The following NAALADL1 variants were observed in gnomAD, a reference collection of about 807,000 sequenced individuals.
NAALADL1 encodes aminopeptidase NAALADL1.
A neutral mutation model predicts 82.8 loss-of-function variants in NAALADL1; 77 were observed. That is an observed-to-expected ratio of 0.93 (90% CI 0.77 to 1.12). NAALADL1 has a LOEUF of 1.12. Among genes scored for constraint, NAALADL1 ranks in the 50% most tolerant of loss-of-function variants. NAALADL1 has a pLI of 0.00. For missense variants in NAALADL1, 956 were observed against 964.0 expected (o/e 0.99, Z 0.11); for synonymous variants, 358 against 399.2 (o/e 0.90, Z 1.23).
Position 65,045,810 on chromosome 11 carries a change from G to C in NAALADL1, c.2036+12C>G, listed in dbSNP as rs766175487. On this transcript the variant is annotated intron_variant, in intron 17 of 17. Transcript: ENST00000358658. ...CCTGGAGGCACCTCCCAGGACTCTG[G>C]GACAGACTCACCTGTAGTAGCGTTC... The C allele has an allele frequency of 1.9e-6, 3 of 1,613,260 alleles. No homozygotes were observed. The highest frequency in any genetic ancestry group is 1.7e-6 in the Non-Finnish European group (2 of 1,179,492).
rs538107403 is a variant in NAALADL1 at position 65,053,820 on chromosome 11, T to G, written c.993-244A>C. Reference sequence around the variant, plus strand: ...TGACGGTGACAGATGTGGACCTGGTTCTCGTGGGGCCTCCCTCTCCTGAGT... The same window carrying G: ...TGACGGTGACAGATGTGGACCTGGTGCTCGTGGGGCCTCCCTCTCCTGAGT... On this transcript the variant is annotated intron_variant, in intron 6 of 17. Transcript: ENST00000358658. This position sits in a 1 kb window ranked among gnomAD's most constrained non-coding sequence, Gnocchi z 4.3. Among the ~76,000 whole-genome samples the G allele has an allele frequency of 3.6e-4, 55 of 152,166 alleles. No individual in the cohort carries two copies. Among genetic ancestry groups the G allele is most frequent in the African/African-American group, 1.3e-3 (53 of 41,496 alleles).
rs946098542 is a variant in NAALADL1, at chr11:65,057,243, G to A, written c.603+128C>T. On this transcript the variant is annotated intron_variant, in intron 4 of 17. Coordinates refer to ENST00000358658, the MANE Select transcript of NAALADL1 (RefSeq NM_005468.3). ...AACCCGAAAACACCTTGCCTTTCCTGCCCCACCCTGGGGCTTGGTTCCCCA... is the reference window on the plus strand; with the variant it reads ...AACCCGAAAACACCTTGCCTTTCCTACCCCACCCTGGGGCTTGGTTCCCCA... 2.9e-6 allele frequency: 4 copies of A among 1,397,876 alleles called. No individual in the cohort carries two copies. The African/African-American group carries it at 5.8e-5, about 20-fold the overall frequency. 86.6% of individuals were successfully genotyped at this position (1,397,876 alleles called of 1,614,324 possible). A position where few individuals can be genotyped will look rare whatever the true frequency, so the allele number is the denominator to read the frequency against.
Position 65,053,097 on chromosome 11 carries a change from T to C in NAALADL1, c.1198+121A>G, listed in dbSNP as rs1946932028. Reference sequence around the variant, plus strand: ...CAGGCCAAGGCTGGTGTCATGCATGTCTGCCCCCAGGGCCCTCAGGCATGG... The same window carrying C: ...CAGGCCAAGGCTGGTGTCATGCATGCCTGCCCCCAGGGCCCTCAGGCATGG... On this transcript the variant is annotated intron_variant, in intron 8 of 17. Transcript: ENST00000358658. This position sits in a 1 kb window ranked among gnomAD's most constrained non-coding sequence, Gnocchi z 4.3. The C allele has an allele frequency of 3.1e-6, 4 of 1,274,880 alleles. No homozygotes were observed. In the Admixed American group the frequency reaches 1.1e-4, roughly 36 times the overall value. The allele number at this position is 1,274,880 out of a possible 1,614,324, so 79.0% of individuals were successfully genotyped here.
At chr11:65,058,807 C>G (rs1420633869), upstream of NAALADL1, among the ~76,000 whole-genome samples, 2 of 152,192 alleles carry the variant, frequency 1.3e-5, no homozygotes, top group Non-Finnish European at 2.9e-5. Flanking sequence ...AAACAGAGGC[C>G]AAGCCAGGGC....
Position 65,054,826 on chromosome 11 carries a change from C to G in NAALADL1, c.604-88G>C, listed in dbSNP as rs879368794. 1.4e-6 allele frequency: 2 copies of G among 1,454,546 alleles called. No individual in the cohort carries two copies. The highest frequency in any genetic ancestry group is 1.8e-6 in the Non-Finnish European group (2 of 1,086,362). The allele number at this position is 1,454,546 out of a possible 1,614,324, so 90.1% of individuals were successfully genotyped here. ...CTTCCTCCTTCCTCGACTGTGGAAGCCAGGATAGACCAATCTTCCATGGGC... is the reference window on the plus strand; with the variant it reads ...CTTCCTCCTTCCTCGACTGTGGAAGGCAGGATAGACCAATCTTCCATGGGC... On this transcript the variant is annotated intron_variant, in intron 4 of 17. Transcript: ENST00000358658. The surrounding 1 kb of genome is among the most constrained non-coding windows in gnomAD (Gnocchi z 4.3).
intron 13 of NAALADL1, 145 bp from the exon 14 acceptor site, chr11:65,046,671 G>T: frequency 1.3e-6 from 1 of 782,190 alleles, no homozygotes; most frequent in Admixed American, 2.4e-5. Context: ...CACAGAAAAG[G>T]AAACTGAAGC....
At position 65,046,021 on chromosome 11, in the gene NAALADL1, G is replaced by C. The variant is rs182065774; in HGVS notation, c.1943+6C>G. 4,209 of 1,613,538 alleles carry C rather than the reference G, an allele frequency of 2.6e-3. 10 individuals are homozygous for C. The highest frequency in any genetic ancestry group is 3.0e-3 in the Non-Finnish European group (3,554 of 1,179,856). On this transcript the variant is annotated splice_donor_region_variant and intron_variant, in intron 16 of 17. Coordinates refer to ENST00000358658, the MANE Select transcript of NAALADL1 (RefSeq NM_005468.3). ...CTCCCAGCCCCTGCCCGCTGCCCTT[G>C]CTCACTCAGGGCTGCCCTTCTGCAG... is the stretch of plus-strand genomic sequence containing the variant.
chr11:65,046,062 G>A lies in NAALADL1; in HGVS notation c.1908C>T (p.Gly636=), dbSNP rs1946716157. 1 of 1,613,974 alleles carries A rather than the reference G, an allele frequency of 6.2e-7. No homozygotes were observed. The highest frequency in any genetic ancestry group is 2.2e-5 in the East Asian group (1 of 44,882). The change falls in exon 16 of 18, where the codon GGC becomes GGT. Residue 636 remains glycine (G), a synonymous_variant. Transcript: ENST00000358658. ...CCTTCTGCAGTGTTGATATGCGTTGGCCCAAGGCTGCAGCTTCTGCCTCAA... is the reference window on the plus strand; with the variant it reads ...CCTTCTGCAGTGTTGATATGCGTTGACCCAAGGCTGCAGCTTCTGCCTCAA... ...EKFEAEAAAL[G]QRISTLQKGS...
chr11:65,048,355 A>C lies in NAALADL1; in HGVS notation c.1229T>G (p.Phe410Cys). The change falls in exon 9 of 18, where the codon TTT becomes TGT. Residue 410 changes from phenylalanine to cysteine, a missense_variant. Transcript: ENST00000358658. ...AAACTCCTCAGCCCCCCAGCTCGCA[A>C]ACACGATTGATCTGCGAGGACGCCA... ...GTWRPRRSIV[F>C]ASWGAEEFGL... 6.2e-7 allele frequency: 1 copy of C among 1,614,152 alleles called. No homozygotes were observed. Among genetic ancestry groups the C allele is most frequent in the Non-Finnish European group, 8.5e-7 (1 of 1,180,022 alleles).
intron 17 of NAALADL1, 71 bp downstream of exon 17, chr11:65,045,751 C>T (rs1005313618): frequency 1.5e-5 from 21 of 1,445,658 alleles, no homozygotes; most frequent in Non-Finnish European, 1.9e-5. Context: ...AGCTGACCAC[C>T]TCGTCTCAGG....
chr11:65,046,335 CGGGCCACAGCCTGATG>C lies in NAALADL1; in HGVS notation c.1693_1708del (p.His565GlyfsTer6), dbSNP rs772691630. On this transcript the variant is annotated frameshift_variant, in exon 15 of 18. Transcript: ENST00000358658. LOFTEE classifies it high-confidence loss of function. The stretch of plus-strand genomic sequence containing the variant: ...CCGGAGAATCACACTCCCCGCTGTC[CGGGCCACAGCCTGATG>C]GCTGCTGAAGCCTGCGGCAAGGTGA... 3.1e-6 allele frequency: 5 copies of C among 1,614,210 alleles called. No individual in the cohort carries two copies. In the East Asian group the frequency reaches 1.1e-4, roughly 36 times the overall value.
intron 8 of NAALADL1, among the ~76,000 whole-genome samples, chr11:65,050,347 G>A (rs927534595): frequency 3.3e-5 from 5 of 151,552 alleles, no homozygotes; most frequent in Admixed American, 2.0e-4. Context: ...GCGTGGTGGC[G>A]GGTGCCTGTA....
In NAALADL1 at chr11:65,054,567, G is replaced by T; in HGVS notation, c.775C>A (p.Pro259Thr). The T allele has an allele frequency of 6.2e-7, 1 of 1,613,810 alleles. No individual in the cohort carries two copies. The highest frequency in any genetic ancestry group is 8.5e-7 in the Non-Finnish European group (1 of 1,179,820). The change falls in exon 5 of 18, where the codon CCC becomes ACC. Residue 259 changes from proline to threonine, a missense_variant. Transcript: ENST00000358658. This position sits in a 1 kb window ranked among gnomAD's most constrained non-coding sequence, Gnocchi z 4.3. Reference protein sequence around the residue: ...YYEYFGDPLTPYLPAVPSSFR... With the variant: ...YYEYFGDPLTTYLPAVPSSFR... The stretch of plus-strand genomic sequence containing the variant: ...GAAGAGGGGACGGCTGGAAGGTAGG[G>T]AGTCAGAGGGTCCCCAAAATACTCG...
rs369045483 is a variant in NAALADL1 at position 65,046,181 on chromosome 11, G to T, written c.1855+8C>A. ...CTCCCCATACCTCAGGGTCAGGGCT[G>T]TGCATACCCAGGCTGATGCTGTGCT... On this transcript the variant is annotated splice_region_variant and intron_variant, in intron 15 of 17. Transcript: ENST00000358658. The T allele has an allele frequency of 6.2e-7, 1 of 1,614,002 alleles. No homozygotes were observed. The highest frequency in any genetic ancestry group is 1.1e-5 in the South Asian group (1 of 91,092).
rs2137022772 is a variant in NAALADL1, at chr11:65,054,864, G to T, written c.604-126C>A. On this transcript the variant is annotated intron_variant, in intron 4 of 17. Transcript: ENST00000358658. The surrounding 1 kb of genome is among the most constrained non-coding windows in gnomAD (Gnocchi z 4.3). ...ATCTTCCATGGGCAAGATGACGTTTGCACAAGTCATTTATGGCAGTGCCTC... is the reference window on the plus strand; with the variant it reads ...ATCTTCCATGGGCAAGATGACGTTTTCACAAGTCATTTATGGCAGTGCCTC... 7.8e-7 allele frequency: 1 copy of T among 1,276,812 alleles called. No individual in the cohort carries two copies. The highest frequency in any genetic ancestry group is 1.1e-6 in the Non-Finnish European group (1 of 944,434). The allele number at this position is 1,276,812 out of a possible 1,614,324, so 79.1% of individuals were successfully genotyped here. A position where few individuals can be genotyped will look rare whatever the true frequency, so the allele number is the denominator to read the frequency against.
At chr11:65,046,588 C>T (rs1946737904) in intron 13 of NAALADL1, 62 bp from the exon 14 acceptor site, 2 of 1,508,980 alleles carry the variant, frequency 1.3e-6, no homozygotes, top group Non-Finnish European at 9.2e-7. Context: ...GGTGTACCTC[C>T]AGTGAGCTGC....
At chr11:65,058,578 G>C, upstream of NAALADL1, 1 of 1,437,362 alleles carries the variant, frequency 7.0e-7, no homozygotes, top group Non-Finnish European at 9.3e-7. Flanking sequence ...TCCCTATAGA[G>C]GGGGTGTTGT....
rs772747600 is a variant in NAALADL1, at chr11:65,046,256, G to A, written c.1788C>T (p.Leu596=). 6.2e-7 allele frequency: 1 copy of A among 1,614,196 alleles called. No homozygotes were observed. Among genetic ancestry groups the A allele is most frequent in the Non-Finnish European group, 8.5e-7 (1 of 1,180,046 alleles). Residue 596 remains leucine, a synonymous_variant, in exon 15 of 18, where the codon CTC becomes CTT. Transcript: ENST00000358658. ...GCTGGGCTGCCTGCAGGAAGCTGCG[G>A]AGTGTCTCACTGTAGTCACTGACTT... is the stretch of plus-strand genomic sequence containing the variant. The part of the protein sequence containing the change: ...PLKVSDYSET[L]RSFLQAAQQD...
chr11:65,051,507 T>C (rs1427077686), intron 8 of NAALADL1, among the ~76,000 whole-genome samples: 2 of 151,608 alleles, frequency 1.3e-5, no homozygotes, highest in Non-Finnish European at 2.9e-5. Context: ...GGCTATTTTT[T>C]TATGTTTATT....
Sources: allele counts gnomAD v4.1 joint callset (sites outside exome capture counted in the v4.1 genomes callset), GRCh38; gene constraint gnomAD v4.1.1; non-coding constraint Gnocchi (gnomAD v3.1); transcripts MANE v1.5; gene names NCBI Gene and HGNC (gene_info 2026-07-23, HGNC 2026-07-21).